The following SMYD4 variants were observed in gnomAD, a reference collection of about 807,000 sequenced individuals.
SMYD4 encodes the protein SET and MYND domain containing 4.
In SMYD4, 68 loss-of-function variants were observed where a neutral mutation model predicts 72.8. That is an observed-to-expected ratio of 0.93 (90% CI 0.77 to 1.14). SMYD4 has a LOEUF of 1.14. Among genes scored for constraint, SMYD4 ranks in the 50% most tolerant of loss-of-function variants. The pLI is 0.00. For missense variants in SMYD4, 984 were observed against 1,003.7 expected, an observed-to-expected ratio of 0.98 and a Z score of 0.27; for synonymous variants, 407 against 388.6, an observed-to-expected ratio of 1.05 and a Z score of -0.56.
chr17:1,793,681 G>T (rs1162954925), intron 5 of SMYD4, among the ~76,000 whole-genome samples: 1 of 151,950 alleles, frequency 6.6e-6, no homozygotes, highest in Non-Finnish European at 1.5e-5. Context: ...CTGCAAAGAG[G>T]CAACTTATAG....
chr17:1,809,123 C>T (rs1039558552), intron 3 of SMYD4, among the ~76,000 whole-genome samples: 1 of 152,118 alleles, frequency 6.6e-6, no homozygotes, highest in African/African-American at 2.4e-5. Flanking sequence ...GCAATCCTCC[C>T]GCCTCGGTCT....
chr17:1,788,834 A>T (rs1908848798), intron 5 of SMYD4, among the ~76,000 whole-genome samples: 1 of 152,186 alleles, frequency 6.6e-6, no homozygotes, highest in African/African-American at 2.4e-5. Context: ...ACTTAGCCAG[A>T]GGCTCTACCT....
chr17:1,813,523 T>C (rs1722316822), intron 2 of SMYD4, among the ~76,000 whole-genome samples: 2 of 152,034 alleles, frequency 1.3e-5, no homozygotes, highest in South Asian at 4.1e-4. Context: ...TGGGTGCAAG[T>C]GATTCTTGTG....
chr17:1,828,892 C>G (rs903214070), intron 1 of SMYD4, among the ~76,000 whole-genome samples: 2 of 152,066 alleles, frequency 1.3e-5, no homozygotes, highest in Non-Finnish European at 2.9e-5. Context: ...CCACCGCGCC[C>G]GGCCTGATCC....
chr17:1,787,028 C>G, intron 6 of SMYD4, 55 bp from the exon 7 acceptor site: 1 of 1,595,744 alleles, frequency 6.3e-7, no homozygotes. Context: ...TCAAACACTA[C>G]GTAAAAACCT....
At chr17:1,798,143 T>C (rs1032542050) in intron 5 of SMYD4, among the ~76,000 whole-genome samples, 27 of 151,990 alleles carry the variant, frequency 1.8e-4, no homozygotes, top group Non-Finnish European at 2.9e-4. Flanking sequence ...ATGTATTTTT[T>C]TTTTTTTTCT....
chr17:1,781,169 C>A lies in SMYD4; in HGVS notation c.*117G>T. 2 of 1,347,362 alleles carry A rather than the reference C, an allele frequency of 1.5e-6. No individual in the cohort carries two copies. Among genetic ancestry groups the A allele is most frequent in the Non-Finnish European group, 2.0e-6 (2 of 993,530 alleles). 83.5% of individuals were successfully genotyped at this position (1,347,362 alleles called of 1,614,324 possible). A position where few individuals can be genotyped will look rare whatever the true frequency, so the allele number is the denominator to read the frequency against. On this transcript the variant is annotated 3_prime_UTR_variant, in exon 11 of 11. Coordinates refer to ENST00000305513, the MANE Select transcript of SMYD4 (RefSeq NM_052928.3). ...CTCCTGACATCAGGTGATCCGCCCACCTTAGCCTCCCAAAGTGCTGGGATT... is the reference window on the plus strand; with the variant it reads ...CTCCTGACATCAGGTGATCCGCCCAACTTAGCCTCCCAAAGTGCTGGGATT...
At chr17:1,810,479 G>A (rs1429214552) in intron 3 of SMYD4, among the ~76,000 whole-genome samples, 1 of 152,086 alleles carries the variant, frequency 6.6e-6, no homozygotes, top group Non-Finnish European at 1.5e-5. Flanking sequence ...AAATGTTGCA[G>A]TGATCACAGC....
chr17:1,793,036 G>A (rs34369444), intron 5 of SMYD4, among the ~76,000 whole-genome samples: 1 of 152,074 alleles, frequency 6.6e-6, no homozygotes, highest in South Asian at 2.1e-4. Context: ...TCCCACCTCA[G>A]ACTCCCGGGT....
chr17:1,829,570 A>ACCCCCCCCCCCCCCCC (rs17291703), intron 1 of SMYD4, 156 bp downstream of exon 1: 3 of 148,136 alleles, frequency 2.0e-5, no homozygotes, highest in Non-Finnish European at 3.0e-5. Flanking sequence ...CCTTTCGGAG[A>ACCCCCCCCCCCCCCCC]CCCCCCACCC....
At chr17:1,811,243 G>A (rs1047381579) in intron 3 of SMYD4, among the ~76,000 whole-genome samples, 1 of 152,210 alleles carries the variant, frequency 6.6e-6, no homozygotes, top group Admixed American at 6.5e-5. Context: ...AGCAGGGCAC[G>A]GAGGAAGCGA....
intron 2 of SMYD4, among the ~76,000 whole-genome samples, chr17:1,819,727 C>T (rs1223475625): frequency 6.6e-6 from 1 of 152,122 alleles, no homozygotes; most frequent in Non-Finnish European, 1.5e-5. Context: ...CAAACTTTCT[C>T]CTTTTCCTTC....
At chr17:1,828,268 G>A (rs935452879) in intron 1 of SMYD4, among the ~76,000 whole-genome samples, 5 of 151,352 alleles carry the variant, frequency 3.3e-5, no homozygotes, top group African/African-American at 7.3e-5. Flanking sequence ...AGAGAACTGC[G>A]TGAACTGGGG....
At chr17:1,826,491 C>CAAAAAAAAAAAAAAAAAAA (rs111636314) in intron 2 of SMYD4, among the ~76,000 whole-genome samples, 11 of 103,050 alleles carry the variant, frequency 1.1e-4, no homozygotes, top group East Asian at 4.1e-4. Flanking sequence ...AAACTCTGTC[C>CAAAAAAAAAAAAAAAAAAA]AAAAAAAAAA....
At chr17:1,783,188 A>C (rs1167625711) in intron 9 of SMYD4, 30 bp from the exon 10 acceptor site, 2 of 1,613,828 alleles carry the variant, frequency 1.2e-6, no homozygotes, top group East Asian at 4.5e-5. Flanking sequence ...TTGTTCCAGA[A>C]AAGAACCACT....
intron 5 of SMYD4, among the ~76,000 whole-genome samples, 160 bp downstream of exon 5, chr17:1,799,697 T>TA (rs1198623281): frequency 6.6e-6 from 1 of 152,152 alleles, no homozygotes; most frequent in East Asian, 1.9e-4. Flanking sequence ...TAAGGTCATA[T>TA]AGCTTCTTAA....
intron 5 of SMYD4, among the ~76,000 whole-genome samples, chr17:1,789,384 C>T (rs566996573): frequency 6.0e-5 from 9 of 151,190 alleles, no homozygotes; most frequent in East Asian, 1.9e-4. Flanking sequence ...AAAACTGTCT[C>T]GCAAAACAAA....
chr17:1,805,452 G>A (rs1909982823), intron 3 of SMYD4, among the ~76,000 whole-genome samples: 1 of 152,020 alleles, frequency 6.6e-6, no homozygotes, highest in South Asian at 2.1e-4. Flanking sequence ...AATTGGCAAG[G>A]ATTAATAATA....
At chr17:1,782,902 G>A in intron 10 of SMYD4, 133 bp downstream of exon 10, 1 of 1,383,024 alleles carries the variant, frequency 7.2e-7, no homozygotes. Flanking sequence ...CAAAACAGAA[G>A]GCAAAGATCT....
Sources: gnomAD v4.1 joint callset for allele counts (sites outside exome capture counted in the v4.1 genomes callset) on GRCh38, gnomAD v4.1.1 for gene constraint, MANE v1.5 for transcripts, NCBI Gene and HGNC (gene_info 2026-07-23, HGNC 2026-07-21) for gene names.